The following GDI2 variants were observed in gnomAD, a reference collection of about 807,000 sequenced individuals.
The protein encoded by GDI2 is GDP dissociation inhibitor 2.
A neutral mutation model predicts 54.2 loss-of-function variants in GDI2; 22 were observed. The ratio of observed to expected loss-of-function variants is 0.41; its 90% CI spans 0.29 to 0.58. The LOEUF (loss-of-function observed/expected upper bound fraction) is 0.58. Ranked by LOEUF, GDI2 falls within the 20% of genes least tolerant of loss-of-function variation. The probability of loss-of-function intolerance (pLI) is 0.35; values close to 1 mark genes in which losing one functional copy is unlikely to be tolerated. For synonymous variants in GDI2, 177 were observed against 182.1 expected (o/e 0.97, Z 0.23); for missense variants, 422 against 546.0 (o/e 0.77, Z 2.26).
chr10:5,800,495 T>A (rs933334239), intron 2 of GDI2, 103 bp downstream of exon 2: 2 of 723,178 alleles, frequency 2.8e-6, no homozygotes, highest in African/African-American at 3.5e-5. Flanking sequence ...GATATTCCAT[T>A]TAACAAAACA....
In GDI2 at chr10:5,768,125, G is replaced by T; in HGVS notation, c.991+88C>A. 1 of 1,077,476 alleles carries T rather than the reference G, an allele frequency of 9.3e-7. No individual in the cohort carries two copies. Among genetic ancestry groups the T allele is most frequent in the Non-Finnish European group, 1.4e-6 (1 of 713,634 alleles). The allele number at this position is 1,077,476 out of a possible 1,614,324, so 66.7% of individuals were successfully genotyped here. On this transcript the variant is annotated intron_variant, in intron 8 of 10. Coordinates refer to ENST00000380191, the MANE Select transcript of GDI2 (RefSeq NM_001494.4). The surrounding 1 kb of genome is among the most constrained non-coding windows in gnomAD (Gnocchi z 4.4). ...AAACCAAGGTCTGTTCACTAATACA[G>T]CATACAAAATTAGGAATTTGGGATA...
At chr10:5,801,127 A>G (rs1354199466) in intron 1 of GDI2, among the ~76,000 whole-genome samples, 2 of 151,614 alleles carry the variant, frequency 1.3e-5, no homozygotes, top group African/African-American at 4.8e-5. Context: ...AATTTTTTGT[A>G]TTTTTAGCAG....
chr10:5,812,798 G>A (rs1477671416), intron 1 of GDI2, among the ~76,000 whole-genome samples: 1 of 152,222 alleles, frequency 6.6e-6, no homozygotes, highest in South Asian at 2.1e-4. Flanking sequence ...GGCGGAATAG[G>A]AAATGCAACC....
At chr10:5,794,232 T>TAAAA (rs1554789578) in intron 4 of GDI2, among the ~76,000 whole-genome samples, 1 of 97,410 alleles carries the variant, frequency 1.0e-5, no homozygotes, top group African/African-American at 4.0e-5. Context: ...TATATATATA[T>TAAAA]AAAACTCACC....
rs56672226 is a variant in GDI2, at chr10:5,808,697, T to TAA, written c.45+4515_45+4516dup. Among the ~76,000 whole-genome samples, 83 of 86,230 alleles carry TAA rather than the reference T, an allele frequency of 9.6e-4. 1 individual carries two copies. In the East Asian group the frequency reaches 0.018, roughly 19 times the overall value. The allele number at this position is 86,230 out of a possible 152,430, so 56.6% of individuals were successfully genotyped here. ...CAGAAATAAAAAGTATTGTTGTTAT[T>TAA]AAAAAAAAAAAAAAAAAAAAACTAC... is the stretch of plus-strand genomic sequence containing the variant. On this transcript the variant is annotated intron_variant, in intron 1 of 10. Transcript: ENST00000380191.
intron 1 of GDI2, among the ~76,000 whole-genome samples, chr10:5,807,243 A>G (rs1399071357): frequency 6.6e-6 from 1 of 152,248 alleles, no homozygotes; most frequent in Non-Finnish European, 1.5e-5. Context: ...GTATATATTA[A>G]TGATCCTAAA....
intron 3 of GDI2, among the ~76,000 whole-genome samples, chr10:5,796,040 T>C (rs976184208): frequency 6.6e-6 from 1 of 152,156 alleles, no homozygotes; most frequent in African/African-American, 2.4e-5. Flanking sequence ...TTTTTCAATG[T>C]CATCTCAGAA....
intron 1 of GDI2, among the ~76,000 whole-genome samples, chr10:5,802,562 G>A (rs1841293997): frequency 1.3e-5 from 2 of 150,744 alleles, no homozygotes; most frequent in Non-Finnish European, 2.9e-5. Flanking sequence ...TCGCGCCACT[G>A]CACTCCAGCC....
chr10:5,777,238 C>T lies in GDI2; in HGVS notation c.720-3297G>A, dbSNP rs185527843. 8.9e-3 allele frequency among the ~76,000 whole-genome samples: 1,362 copies of T among 152,200 alleles called. 9 individuals carry two copies. The highest frequency in any genetic ancestry group is 0.013 in the Non-Finnish European group (896 of 68,000). On this transcript the variant is annotated intron_variant, in intron 6 of 10. Coordinates refer to ENST00000380191, the MANE Select transcript of GDI2 (RefSeq NM_001494.4). ...CTGTAATCCCAGCACTTTGAAAGGC[C>T]GAGGCGGGTGGATCACCTGAGGTCA...
At chr10:5,781,295 T>G (rs1041092772) in intron 6 of GDI2, among the ~76,000 whole-genome samples, 18 of 133,318 alleles carry the variant, frequency 1.4e-4, no homozygotes, top group Non-Finnish European at 1.1e-4. Context: ...AAAAAGACAA[T>G]AGGAGAGTAT....
At chr10:5,796,960 A>C (rs1169551680) in intron 2 of GDI2, 98 bp from the exon 3 acceptor site, 5 of 621,992 alleles carry the variant, frequency 8.0e-6, no homozygotes, top group Admixed American at 7.9e-5. Context: ...GTATAACTAA[A>C]CACCACCATG....
At chr10:5,781,489 G>A (rs1045206157) in intron 6 of GDI2, among the ~76,000 whole-genome samples, 7 of 151,900 alleles carry the variant, frequency 4.6e-5, no homozygotes, top group African/African-American at 1.7e-4. Context: ...GCCGGGCGCG[G>A]TGGCAGGCGC....
At chr10:5,777,201 G>A (rs1053401171) in intron 6 of GDI2, among the ~76,000 whole-genome samples, 2 of 152,158 alleles carry the variant, frequency 1.3e-5, no homozygotes, top group African/African-American at 4.8e-5. Flanking sequence ...TGCCAGGCAC[G>A]GTGGCTCATG....
intron 6 of GDI2, among the ~76,000 whole-genome samples, chr10:5,780,932 C>T (rs1020696002): frequency 2.0e-5 from 3 of 152,104 alleles, no homozygotes; most frequent in Non-Finnish European, 4.4e-5. Context: ...AATGCGAACA[C>T]CCAAAACAAA....
At chr10:5,810,360 T>C (rs141158921) in intron 1 of GDI2, among the ~76,000 whole-genome samples, 1 of 152,252 alleles carries the variant, frequency 6.6e-6, no homozygotes, top group East Asian at 1.9e-4. Context: ...TAATCTACTA[T>C]GTCTAACAAG....
Position 5,766,530 on chromosome 10 carries a change from C to G in GDI2, c.1100G>C (p.Arg367Thr). 2.5e-6 allele frequency: 4 copies of G among 1,613,940 alleles called. No individual in the cohort carries two copies. Among genetic ancestry groups the G allele is most frequent in the Non-Finnish European group, 2.5e-6 (3 of 1,179,966 alleles). ...TGGTTCCAAGAGCTCCAAAGCTGGT[C>G]TGATTTCCTTCTCAGGCTCCTTGGT... is the stretch of plus-strand genomic sequence containing the variant. ...VETKEPEKEI[R>T]PALELLEPIE... The change falls in exon 9 of 11, where the codon AGA becomes ACA. Residue 367 changes from arginine to threonine, a missense_variant. Coordinates refer to ENST00000380191, the MANE Select transcript of GDI2 (RefSeq NM_001494.4). This position sits in a 1 kb window ranked among gnomAD's most constrained non-coding sequence, Gnocchi z 5.8.
chr10:5,800,038 T>C (rs1346402225), intron 2 of GDI2, among the ~76,000 whole-genome samples: 2 of 152,240 alleles, frequency 1.3e-5, no homozygotes, highest in Admixed American at 1.3e-4. Flanking sequence ...TCATTGATGA[T>C]ATCTATCTCC....
At chr10:5,778,560 G>C (rs1840677986) in intron 6 of GDI2, among the ~76,000 whole-genome samples, 1 of 152,204 alleles carries the variant, frequency 6.6e-6, no homozygotes. Context: ...TCCATTTTAT[G>C]AAGAAAGGAA....
At chr10:5,793,041 T>A (rs1462770722) in intron 4 of GDI2, among the ~76,000 whole-genome samples, 1 of 151,892 alleles carries the variant, frequency 6.6e-6, no homozygotes, top group African/African-American at 2.4e-5. Context: ...GTCACCCAGG[T>A]TGGAGCGCAG....
Sources: gnomAD v4.1 joint callset for allele counts (sites outside exome capture counted in the v4.1 genomes callset) on GRCh38, gnomAD v4.1.1 for gene constraint, Gnocchi (gnomAD v3.1) non-coding constraint, MANE v1.5 for transcripts, NCBI Gene and HGNC (gene_info 2026-07-23, HGNC 2026-07-21) for gene names.